The following ZCWPW2 variants were observed in gnomAD, a reference collection of about 807,000 sequenced individuals.
ZCWPW2 encodes the protein zinc finger CW-type PWWP domain protein 2.
A neutral mutation model predicts 46.6 loss-of-function variants in ZCWPW2; 45 were observed. The ratio of observed to expected loss-of-function variants is 0.96; its 90% CI spans 0.76 to 1.24. ZCWPW2 has a LOEUF of 1.24. Ranked by LOEUF, ZCWPW2 falls within the 50% of genes most tolerant of loss-of-function variation. ZCWPW2 has a pLI of 0.00. For synonymous variants in ZCWPW2, 152 were observed against 137.1 expected (o/e 1.11, Z -0.76); for missense variants, 429 against 403.9 (o/e 1.06, Z -0.53).
chr3:28,435,063 A>G (rs1697425902), intron 3 of ZCWPW2, 47 bp from the exon 4 acceptor site: 1 of 1,594,636 alleles, frequency 6.3e-7, no homozygotes, highest in African/African-American at 1.4e-5. Flanking sequence ...GTTGATGTCT[A>G]CCTTTTTAAA....
chr3:28,352,471 T>C (rs184792310), intron 1 of ZCWPW2, among the ~76,000 whole-genome samples: 1 of 152,322 alleles, frequency 6.6e-6, no homozygotes, highest in Non-Finnish European at 1.5e-5. Context: ...CTGACAAATA[T>C]GGGGATACCT....
At chr3:28,385,633 G>A (rs1695243669) in intron 1 of ZCWPW2, among the ~76,000 whole-genome samples, 1 of 152,150 alleles carries the variant, frequency 6.6e-6, no homozygotes, top group South Asian at 2.1e-4. Context: ...AGGTGACAGT[G>A]GCATCCAAAC....
intron 3 of ZCWPW2, among the ~76,000 whole-genome samples, chr3:28,422,555 T>C (rs760125951): frequency 5.3e-5 from 8 of 152,174 alleles, no homozygotes; most frequent in Non-Finnish European, 8.8e-5. Flanking sequence ...GATTACTCAG[T>C]ATTTTTGCTA....
rs759302693 is a variant in ZCWPW2 at position 28,520,982 on chromosome 3, G to GT, written c.785-3dup. ...GTAGCATTTTTACTGTATTAATCCT[G>GT]TTTTTTTAGTTGTCTGTGAGACGGA... On this transcript the variant is annotated splice_polypyrimidine_tract_variant and intron_variant, in intron 8 of 9. Coordinates refer to ENST00000383768, the MANE Select transcript of ZCWPW2 (RefSeq NM_001040432.4). 1.9e-6 allele frequency: 3 copies of GT among 1,613,020 alleles called. No individual in the cohort carries two copies. Among genetic ancestry groups the GT allele is most frequent in the Non-Finnish European group, 2.5e-6 (3 of 1,179,490 alleles).
At chr3:28,461,719 A>C (rs1325259583) in intron 4 of ZCWPW2, 2 of 152,198 alleles carry the variant, frequency 1.3e-5, no homozygotes, top group Admixed American at 6.5e-5. Flanking sequence ...AAATAGACCA[A>C]ATTGAATGCC....
At chr3:28,495,587 A>T (rs902858648) in intron 6 of ZCWPW2, among the ~76,000 whole-genome samples, 2 of 152,102 alleles carry the variant, frequency 1.3e-5, no homozygotes, top group African/African-American at 4.8e-5. Context: ...GTAATCATTT[A>T]TGAACTTGTA....
chr3:28,407,431 A>G (rs2125735242), intron 2 of ZCWPW2, among the ~76,000 whole-genome samples: 1 of 152,274 alleles, frequency 6.6e-6, no homozygotes, highest in East Asian at 1.9e-4. Flanking sequence ...ACTTGTTTGA[A>G]TTGATGTTTA....
intron 5 of ZCWPW2, among the ~76,000 whole-genome samples, 160 bp downstream of exon 5, chr3:28,479,091 G>A (rs1430618055): frequency 6.6e-6 from 1 of 152,028 alleles, no homozygotes; most frequent in Non-Finnish European, 1.5e-5. Context: ...TCAATGAATA[G>A]CATATATTTT....
chr3:28,356,437 A>G (rs2125689061), intron 1 of ZCWPW2, among the ~76,000 whole-genome samples: 1 of 152,316 alleles, frequency 6.6e-6, no homozygotes, highest in Non-Finnish European at 1.5e-5. Flanking sequence ...GCTGTGGAAG[A>G]CAGTGTGGCA....
At chr3:28,349,388 T>C (rs1216330251) in intron 1 of ZCWPW2, among the ~76,000 whole-genome samples, 185 bp downstream of exon 1, 2 of 152,210 alleles carry the variant, frequency 1.3e-5, no homozygotes, top group Non-Finnish European at 2.9e-5. Context: ...GGAAGTCTGT[T>C]AGAAGCCGTT....
In ZCWPW2 at chr3:28,484,625, A is replaced by T. The variant is rs1379014300; in HGVS notation, c.610+5694A>T. ...GTCCATGGGATTTGTTATAATGTCT[A>T]CCTCTTTCATTTCTAATATTAGTAA... On this transcript the variant is annotated intron_variant, in intron 5 of 9. Coordinates refer to ENST00000383768, the MANE Select transcript of ZCWPW2 (RefSeq NM_001040432.4). Among the ~76,000 whole-genome samples, 6 of 151,674 alleles carry T rather than the reference A, an allele frequency of 4.0e-5. No individual in the cohort carries two copies. The South Asian group carries it at 1.3e-3, about 32-fold the overall frequency.
intron 4 of ZCWPW2, among the ~76,000 whole-genome samples, chr3:28,454,260 C>T (rs1211028548): frequency 3.3e-5 from 5 of 152,044 alleles, no homozygotes; most frequent in Admixed American, 3.3e-4. Context: ...ATATATATTG[C>T]ATTAATAGTG....
chr3:28,427,229 G>T (rs562468428), intron 3 of ZCWPW2, among the ~76,000 whole-genome samples: 68 of 152,194 alleles, frequency 4.5e-4, no homozygotes, highest in Non-Finnish European at 7.8e-4. Flanking sequence ...GAAAAATAGA[G>T]AAATGGAAGT....
At chr3:28,401,921 G>T (rs1333749748) in intron 2 of ZCWPW2, among the ~76,000 whole-genome samples, 16 of 151,768 alleles carry the variant, frequency 1.1e-4, no homozygotes, top group Non-Finnish European at 1.5e-5. Flanking sequence ...ATACAGCAAA[G>T]GCAGTGCTAA....
At chr3:28,379,078 C>G (rs1298466368) in intron 1 of ZCWPW2, among the ~76,000 whole-genome samples, 1 of 152,132 alleles carries the variant, frequency 6.6e-6, no homozygotes, top group African/African-American at 2.4e-5. Flanking sequence ...TACTTATCAT[C>G]ACTTGTGGAG....
At chr3:28,367,598 G>A (rs1262905539) in intron 1 of ZCWPW2, among the ~76,000 whole-genome samples, 1 of 152,190 alleles carries the variant, frequency 6.6e-6, no homozygotes, top group Admixed American at 6.5e-5. Flanking sequence ...GTGTTGTGTG[G>A]TGCTGAAAAG....
At chr3:28,406,859 G>A (rs963642139) in intron 2 of ZCWPW2, among the ~76,000 whole-genome samples, 22 of 144,900 alleles carry the variant, frequency 1.5e-4, no homozygotes, top group African/African-American at 5.4e-4. Flanking sequence ...ACAAGGTCTC[G>A]GTCTGTCACC....
At chr3:28,355,119 A>C (rs1418180282) in intron 1 of ZCWPW2, among the ~76,000 whole-genome samples, 2 of 152,346 alleles carry the variant, frequency 1.3e-5, no homozygotes, top group East Asian at 1.9e-4. Flanking sequence ...GTCTCAGCCC[A>C]AAATCTCCTT....
At chr3:28,505,447 G>A (rs899355997) in intron 6 of ZCWPW2, among the ~76,000 whole-genome samples, 1 of 152,070 alleles carries the variant, frequency 6.6e-6, no homozygotes, top group Non-Finnish European at 1.5e-5. Context: ...TATTGAAATA[G>A]TGTCTAAAAT....
Sources: allele counts gnomAD v4.1 joint callset (sites outside exome capture counted in the v4.1 genomes callset), GRCh38; gene constraint gnomAD v4.1.1; transcripts MANE v1.5; gene names NCBI Gene and HGNC (gene_info 2026-07-23, HGNC 2026-07-21).